UBE2W: variants seen among roughly 807,000 people sequenced by gnomAD.
UBE2W encodes the protein ubiquitin conjugating enzyme E2 W.
In UBE2W, 18 loss-of-function variants were observed where a neutral mutation model predicts 27.2. That is an observed-to-expected ratio of 0.66 (90% CI 0.46 to 0.98). The LOEUF is 0.98. UBE2W is among the 50% of genes least tolerant of loss of function. The pLI, the probability that UBE2W is intolerant of heterozygous loss-of-function variation, is 0.00. For missense variants in UBE2W, 90 were observed against 180.2 expected, an observed-to-expected ratio of 0.50 and a Z score of 2.87; for synonymous variants, 53 against 57.2, an observed-to-expected ratio of 0.93 and a Z score of 0.33.
chr8:73,843,253 G>A (rs936172426), intron 1 of UBE2W, among the ~76,000 whole-genome samples: 1 of 152,138 alleles, frequency 6.6e-6, no homozygotes, highest in Admixed American at 6.6e-5. Flanking sequence ...GTCAGATTAA[G>A]GGTATGGTTG....
At chr8:73,851,283 G>C (rs1358866140) in intron 1 of UBE2W, among the ~76,000 whole-genome samples, 2 of 151,666 alleles carry the variant, frequency 1.3e-5, no homozygotes, top group Non-Finnish European at 2.9e-5. Context: ...GCAGGTGTTT[G>C]TTAGGAGAAA....
intron 4 of UBE2W, among the ~76,000 whole-genome samples, chr8:73,806,630 T>G (rs1808920456): frequency 1.3e-5 from 2 of 151,106 alleles, no homozygotes; most frequent in African/African-American, 4.9e-5. Flanking sequence ...GAGAATGGCG[T>G]GAGACTGGGA....
chr8:73,851,130 TG>T (rs1226618655), intron 1 of UBE2W, among the ~76,000 whole-genome samples: 1 of 152,080 alleles, frequency 6.6e-6, no homozygotes, highest in East Asian at 1.9e-4. Flanking sequence ...AAATTTTAGG[TG>T]TAAGACACCA....
chr8:73,863,699 A>G (rs1333747774), intron 1 of UBE2W, among the ~76,000 whole-genome samples: 2 of 151,988 alleles, frequency 1.3e-5, no homozygotes, highest in East Asian at 3.9e-4. Context: ...TGGAGGGTGC[A>G]GTGAGCCGAG....
intron 1 of UBE2W, among the ~76,000 whole-genome samples, chr8:73,876,387 A>C (rs533199521): frequency 4.5e-4 from 69 of 152,332 alleles, no homozygotes; most frequent in African/African-American, 1.4e-3. Flanking sequence ...GTTGTCTTTC[A>C]AAAAGCTTGA....
At chr8:73,830,895 AG>A (rs1810038520) in intron 1 of UBE2W, among the ~76,000 whole-genome samples, 1 of 152,200 alleles carries the variant, frequency 6.6e-6, no homozygotes, top group Non-Finnish European at 1.5e-5. Context: ...TCTCTTTACT[AG>A]CCCCTTATAT....
chr8:73,844,861 C>T (rs1386362257), intron 1 of UBE2W, among the ~76,000 whole-genome samples: 2 of 151,200 alleles, frequency 1.3e-5, no homozygotes, highest in Non-Finnish European at 3.0e-5. Flanking sequence ...AGGTGCGGAG[C>T]GTCTCCGACG....
chr8:73,805,800 A>C, intron 4 of UBE2W, 74 bp from the exon 5 acceptor site: 1 of 826,954 alleles, frequency 1.2e-6, no homozygotes, highest in African/African-American at 1.7e-5. Flanking sequence ...TAAAAGCTTA[A>C]GAAAAATTAA....
At position 73,793,422 on chromosome 8, in the gene UBE2W, T is replaced by A; in HGVS notation, c.*680A>T. The A allele has an allele frequency of 1.0e-6, 1 of 985,850 alleles. No homozygotes were observed. The highest frequency in any genetic ancestry group is 1.2e-6 in the Non-Finnish European group (1 of 829,906). 61.1% of individuals were successfully genotyped at this position (985,850 alleles called of 1,614,324 possible). The stretch of plus-strand genomic sequence containing the variant: ...AATTAATTTATTTTCACCATAGGGA[T>A]AACATACTGTACCTCTCTGCCAATG... On this transcript the variant is annotated 3_prime_UTR_variant, in exon 6 of 6. Coordinates refer to ENST00000602593, the MANE Select transcript of UBE2W (RefSeq NM_018299.6).
At chr8:73,808,165 C>G (rs1322947573) in intron 4 of UBE2W, among the ~76,000 whole-genome samples, 1 of 152,164 alleles carries the variant, frequency 6.6e-6, no homozygotes, top group Non-Finnish European at 1.5e-5. Context: ...GCCCATAGAA[C>G]CATGTCCACT....
chr8:73,858,879 CGTGTGTGTGTGTGTGTGT>C (rs5892434), intron 1 of UBE2W, among the ~76,000 whole-genome samples: 65 of 141,816 alleles, frequency 4.6e-4, no homozygotes, highest in African/African-American at 1.4e-3. Flanking sequence ...TTTTTGCGTG[CGTGTGTGTGTGTGTGTGT>C]GTGTGTGTGT....
At chr8:73,871,513 T>C (rs941021611) in intron 1 of UBE2W, among the ~76,000 whole-genome samples, 1 of 152,224 alleles carries the variant, frequency 6.6e-6, no homozygotes, top group Non-Finnish European at 1.5e-5. Context: ...CTGTGTTCTT[T>C]ATCTCTAATG....
intron 2 of UBE2W, among the ~76,000 whole-genome samples, chr8:73,826,456 C>T (rs1038904624): frequency 6.6e-5 from 10 of 152,104 alleles, no homozygotes; most frequent in Non-Finnish European, 1.0e-4. Flanking sequence ...TACAAGAAAA[C>T]AAAAGGAAGA....
In UBE2W at chr8:73,788,862, A is replaced by G. The variant is rs749172580; in HGVS notation, c.*5240T>C. The G allele has an allele frequency of 5.1e-6, 5 of 985,386 alleles. No individual in the cohort carries two copies. The highest frequency in any genetic ancestry group is 6.0e-6 in the Non-Finnish European group (5 of 829,918). The allele number at this position is 985,386 out of a possible 1,614,324, so 61.0% of individuals were successfully genotyped here. A position where few individuals can be genotyped will look rare whatever the true frequency, so the allele number is the denominator to read the frequency against. On this transcript the variant is annotated 3_prime_UTR_variant, in exon 6 of 6. Coordinates refer to ENST00000602593, the MANE Select transcript of UBE2W (RefSeq NM_018299.6). The stretch of plus-strand genomic sequence containing the variant: ...TTTCCCAGTCAACTCCTCACTCACC[A>G]TATTAAAACTGGAGTTCTTGAGGTA...
At chr8:73,845,112 G>A (rs1187252543) in intron 1 of UBE2W, among the ~76,000 whole-genome samples, 8 of 151,234 alleles carry the variant, frequency 5.3e-5, no homozygotes, top group Non-Finnish European at 1.0e-4. Flanking sequence ...CCCCCGCCTG[G>A]CCGCCGCCCC....
intron 1 of UBE2W, among the ~76,000 whole-genome samples, chr8:73,848,228 T>C (rs950212926): frequency 6.6e-6 from 1 of 150,450 alleles, no homozygotes; most frequent in Non-Finnish European, 1.5e-5. Flanking sequence ...AAATAAATAA[T>C]TGGTAAATTG....
intron 1 of UBE2W, among the ~76,000 whole-genome samples, chr8:73,856,155 A>C (rs184734172): frequency 3.3e-5 from 5 of 152,304 alleles, no homozygotes; most frequent in Admixed American, 6.5e-5. Flanking sequence ...TGTTTCAGTC[A>C]ACCAAATAAA....
intron 1 of UBE2W, among the ~76,000 whole-genome samples, chr8:73,866,732 GGAAAAT>G (rs1811789983): frequency 6.6e-6 from 1 of 152,040 alleles, no homozygotes; most frequent in African/African-American, 2.4e-5. Context: ...TGACACTATC[GGAAAAT>G]GAAAACAGCC....
At chr8:73,866,290 AATATATATATATATAT>A (rs71269958) in intron 1 of UBE2W, among the ~76,000 whole-genome samples, 5 of 43,084 alleles carry the variant, frequency 1.2e-4, no homozygotes, top group African/African-American at 5.0e-4. Context: ...AAAAAAAAAA[AATATATATATATATAT>A]ATATATATAT....
Sources: gnomAD v4.1 joint callset for allele counts (sites outside exome capture counted in the v4.1 genomes callset) on GRCh38, gnomAD v4.1.1 for gene constraint, MANE v1.5 for transcripts, NCBI Gene and HGNC (gene_info 2026-07-23, HGNC 2026-07-21) for gene names.